The following GRIK1 variants were observed in gnomAD, a reference collection of about 807,000 sequenced individuals.
GRIK1 encodes the protein glutamate receptor ionotropic, kainate 1.
Under a neutral mutation model 105.7 loss-of-function variants are expected in GRIK1, and 69 were observed. That is an observed-to-expected ratio of 0.65 (90% confidence interval 0.54 to 0.80). GRIK1 has a LOEUF of 0.80. Among genes scored for constraint, GRIK1 ranks in the 30% least tolerant of loss-of-function variants. The probability of loss-of-function intolerance (pLI) is 0.00; values close to 1 mark genes in which losing one functional copy is unlikely to be tolerated. For missense variants in GRIK1, 1,109 were observed against 1,167.3 expected (o/e 0.95, Z 0.73); for synonymous variants, 438 against 431.3 (o/e 1.02, Z -0.19).
intron 1 of GRIK1, among the ~76,000 whole-genome samples, chr21:29,841,828 G>A (rs370452410): frequency 7.8e-4 from 119 of 152,018 alleles, no homozygotes; most frequent in Middle Eastern, 3.4e-3. Context: ...AGCATTTTCC[G>A]GAAACAATGG....
chr21:29,820,544 C>T (rs1030071255), intron 1 of GRIK1, among the ~76,000 whole-genome samples: 2 of 151,850 alleles, frequency 1.3e-5, no homozygotes, highest in African/African-American at 2.4e-5. Context: ...AAATCATGGG[C>T]GTGAGATGTG....
At chr21:29,793,275 T>G (rs772445194) in intron 1 of GRIK1, among the ~76,000 whole-genome samples, 26 of 152,162 alleles carry the variant, frequency 1.7e-4, no homozygotes, top group African/African-American at 2.7e-4. Context: ...GAACATTTTT[T>G]TGTGTGTGTA....
At chr21:29,883,991 G>T (rs1453415058) in intron 1 of GRIK1, among the ~76,000 whole-genome samples, 1 of 151,930 alleles carries the variant, frequency 6.6e-6, no homozygotes, top group Non-Finnish European at 1.5e-5. Flanking sequence ...AAAAAGAAGG[G>T]GGGGATGCTT....
rs1399634730 is a variant in GRIK1 at position 29,654,811 on chromosome 21, AG to A, written c.778del (p.Leu260TrpfsTer16). 3.2e-6 allele frequency: 5 copies of A among 1,543,740 alleles called. No homozygotes were observed. The highest frequency in any genetic ancestry group is 1.4e-5 in the African/African-American group (1 of 73,644). ...TEYYHYFFTT[L>X]DLFALDLELY... ...TACATTTCTCCCAGATGCACTTACC[AG>A]GGTTGTGAAAAAGTAGTGATAGTAC... On this transcript the variant is annotated frameshift_variant and splice_region_variant, in exon 5 of 18. Transcript: ENST00000327783. LOFTEE classifies it high-confidence loss of function.
At chr21:29,542,187 T>A (rs929189979) in intron 16 of GRIK1, among the ~76,000 whole-genome samples, 8 of 152,200 alleles carry the variant, frequency 5.3e-5, no homozygotes, top group Admixed American at 1.3e-4. Flanking sequence ...TTGCAGAAAG[T>A]TATTTCTCTA....
At chr21:29,558,405 C>T (rs2090311798) in intron 15 of GRIK1, among the ~76,000 whole-genome samples, 1 of 149,912 alleles carries the variant, frequency 6.7e-6, no homozygotes, top group Non-Finnish European at 1.5e-5. Context: ...CACATATCTT[C>T]CTGAATAGCA....
At chr21:29,566,257 G>A (rs1246416852) in intron 14 of GRIK1, among the ~76,000 whole-genome samples, 1 of 152,122 alleles carries the variant, frequency 6.6e-6, no homozygotes, top group Non-Finnish European at 1.5e-5. Context: ...AACAGAAATA[G>A]TGGTTGCCTC....
chr21:29,696,623 G>A (rs973660509), intron 1 of GRIK1, among the ~76,000 whole-genome samples: 1 of 152,230 alleles, frequency 6.6e-6, no homozygotes, highest in Admixed American at 6.5e-5. Flanking sequence ...GGCTTCCACA[G>A]TGATTATGAA....
At chr21:29,636,446 C>A (rs1466868030) in intron 7 of GRIK1, among the ~76,000 whole-genome samples, 1 of 152,016 alleles carries the variant, frequency 6.6e-6, no homozygotes, top group Non-Finnish European at 1.5e-5. Flanking sequence ...TTTGATATAC[C>A]AGTTGCATTG....
intron 1 of GRIK1, among the ~76,000 whole-genome samples, chr21:29,917,858 A>G (rs2071051400): frequency 6.6e-6 from 1 of 152,074 alleles, no homozygotes; most frequent in Non-Finnish European, 1.5e-5. Context: ...TCACTTTTTA[A>G]CATGTCTTCC....
At chr21:29,545,570 A>T (rs2090037685) in intron 16 of GRIK1, among the ~76,000 whole-genome samples, 1 of 152,188 alleles carries the variant, frequency 6.6e-6, no homozygotes, top group Non-Finnish European at 1.5e-5. Flanking sequence ...CTCTACAGGG[A>T]ATGGCACTAC....
chr21:29,918,015 T>C (rs1399170528), intron 1 of GRIK1, among the ~76,000 whole-genome samples: 1 of 152,010 alleles, frequency 6.6e-6, no homozygotes, highest in East Asian at 1.9e-4. Context: ...AAAGATGAAC[T>C]AATAGATGAG....
intron 14 of GRIK1, among the ~76,000 whole-genome samples, chr21:29,572,999 C>CT (rs2090790389): frequency 6.6e-6 from 1 of 152,288 alleles, no homozygotes; most frequent in Admixed American, 6.5e-5. Flanking sequence ...TCTTGAACTC[C>CT]TGACCTCAGG....
At chr21:29,745,240 G>A (rs149086540) in intron 1 of GRIK1, among the ~76,000 whole-genome samples, 2 of 152,240 alleles carry the variant, frequency 1.3e-5, no homozygotes, top group African/African-American at 4.8e-5. Context: ...TCAGTCCAAC[G>A]ATCCTCAAGA....
chr21:29,816,181 G>A (rs1431976960), intron 1 of GRIK1, among the ~76,000 whole-genome samples: 1 of 151,756 alleles, frequency 6.6e-6, no homozygotes, highest in Non-Finnish European at 1.5e-5. Context: ...ACGGCCAACA[G>A]GTATATGAAA....
At chr21:29,829,137 A>G (rs1443084631) in intron 1 of GRIK1, among the ~76,000 whole-genome samples, 1 of 152,128 alleles carries the variant, frequency 6.6e-6, no homozygotes, top group Non-Finnish European at 1.5e-5. Context: ...TTTACATTTC[A>G]TAGAAAGTTG....
At chr21:29,829,688 G>T (rs1362013788) in intron 1 of GRIK1, among the ~76,000 whole-genome samples, 2 of 152,238 alleles carry the variant, frequency 1.3e-5, no homozygotes, top group Middle Eastern at 3.4e-3. Flanking sequence ...CTCTGCCATG[G>T]AATGTTGCCT....
At position 29,603,176 on chromosome 21, in the gene GRIK1, A is replaced by G. The variant is rs2061549757; in HGVS notation, c.1099-4239T>C. ...ATTGGCCAAAGCATATTTTCTGGCT[A>G]CCATTCAGATAGAGTGGATATTATG... is the stretch of plus-strand genomic sequence containing the variant. On this transcript the variant is annotated intron_variant, in intron 7 of 17. Coordinates refer to ENST00000327783, the MANE Select transcript of GRIK1 (RefSeq NM_001330994.2). Among the ~76,000 whole-genome samples the G allele has an allele frequency of 2.0e-5, 3 of 152,138 alleles. No homozygotes were observed. In the South Asian group the frequency reaches 6.2e-4, roughly 32 times the overall value.
At chr21:29,741,343 T>G (rs926299504) in intron 1 of GRIK1, among the ~76,000 whole-genome samples, 22 of 152,274 alleles carry the variant, frequency 1.4e-4, no homozygotes, top group African/African-American at 5.1e-4. Flanking sequence ...TTTTTTAAAT[T>G]AGAACATCAA....
Sources: allele counts gnomAD v4.1 joint callset (sites outside exome capture counted in the v4.1 genomes callset), GRCh38; gene constraint gnomAD v4.1.1; transcripts MANE v1.5; gene names NCBI Gene and HGNC (gene_info 2026-07-23, HGNC 2026-07-21).